PKHD1L1: variants seen among roughly 807,000 people sequenced by gnomAD.
PKHD1L1 encodes the protein fibrocystin-L.
In PKHD1L1, 434 loss-of-function variants were observed where a neutral mutation model predicts 462.9. The observed-to-expected ratio is 0.94, with a 90% CI of 0.87 to 1.02. PKHD1L1 has a LOEUF of 1.02. Ranked by LOEUF, PKHD1L1 falls within the 50% of genes least tolerant of loss-of-function variation. PKHD1L1 has a pLI of 0.00. For synonymous variants in PKHD1L1, 1,781 were observed against 1,750.0 expected (o/e 1.02, Z -0.44); for missense variants, 5,202 against 5,096.1 (o/e 1.02, Z -0.63).
chr8:109,515,266 C>T lies in PKHD1L1; in HGVS notation c.11650C>T (p.Gln3884Ter). Reference sequence around the variant, plus strand: ...TCCAAAAACTACAATATGGAATGCCCAGCAGAAACACTGTGAACTTAATAA... The same window carrying T: ...TCCAAAAACTACAATATGGAATGCCTAGCAGAAACACTGTGAACTTAATAA... ...VCPKTTIWNA[Q>*]QKHCELNNHL... The change falls in exon 72 of 78, where the codon CAG becomes TAG. Residue 3884 changes from glutamine (Q) to a stop codon, truncating the protein, a stop_gained. Coordinates refer to ENST00000378402, the MANE Select transcript of PKHD1L1 (RefSeq NM_177531.6). LOFTEE classifies it high-confidence loss of function. 1 of 1,601,872 alleles carries T rather than the reference C, an allele frequency of 6.2e-7. No homozygotes were observed. The highest frequency in any genetic ancestry group is 8.5e-7 in the Non-Finnish European group (1 of 1,172,768).
rs551015223 is a variant in PKHD1L1, at chr8:109,536,983, G to A, written c.*6893G>A. Among the ~76,000 whole-genome samples, 4 of 152,266 alleles carry A rather than the reference G, an allele frequency of 2.6e-5. No homozygotes were observed. The South Asian group carries it at 8.3e-4, about 32-fold the overall frequency. The stretch of plus-strand genomic sequence containing the variant: ...AGTTATAATTTTCCAGAATATTAAT[G>A]TTTATTATTTTGAAAGCAAGTAAAA... On this transcript the variant is annotated 3_prime_UTR_variant, in exon 78 of 78. Coordinates refer to ENST00000378402, the MANE Select transcript of PKHD1L1 (RefSeq NM_177531.6).
chr8:109,455,853 T>C (rs1816794977), intron 45 of PKHD1L1, among the ~76,000 whole-genome samples: 1 of 152,132 alleles, frequency 6.6e-6, no homozygotes, highest in Admixed American at 6.5e-5. Flanking sequence ...GCTCAATATA[T>C]ATATACTATG....
At chr8:109,434,759 G>A (rs1293020139) in intron 28 of PKHD1L1, among the ~76,000 whole-genome samples, 2 of 152,102 alleles carry the variant, frequency 1.3e-5, no homozygotes, top group Admixed American at 6.5e-5. Context: ...GTGAGCCACC[G>A]CGCCTGCCCT....
At chr8:109,462,891 G>A (rs1257548190) in intron 48 of PKHD1L1, among the ~76,000 whole-genome samples, 8 of 151,926 alleles carry the variant, frequency 5.3e-5, no homozygotes, top group East Asian at 1.9e-4. Flanking sequence ...ATACTTGCAT[G>A]GCTGACACCC....
intron 13 of PKHD1L1, among the ~76,000 whole-genome samples, chr8:109,400,859 CTT>C (rs1813237474): frequency 6.6e-6 from 1 of 152,048 alleles, no homozygotes; most frequent in Admixed American, 6.6e-5. Context: ...TTTGGGGTTA[CTT>C]TGTTAGGACA....
In PKHD1L1 at chr8:109,409,883, G is replaced by A. The variant is rs754791367; in HGVS notation, c.1990G>A (p.Glu664Lys). The change falls in exon 19 of 78, where the codon GAA becomes AAA. Residue 664 changes from glutamate to lysine, a missense_variant. Glu to Lys is a moderately conservative substitution (Grantham distance 56). Transcript: ENST00000378402. ...SEAEFQGAVE[E>K]MVSTKCPPQI... ...AATTTAGTTTCAGGGAGCAGTGGAA[G>A]AAATGGTTAGCACTAAGTGTCCACC... 15 of 1,588,550 alleles carry A rather than the reference G, an allele frequency of 9.4e-6. No homozygotes were observed. The highest frequency in any genetic ancestry group is 8.5e-7 in the Non-Finnish European group (1 of 1,170,836).
Position 109,438,444 on chromosome 8 carries a change from C to A in PKHD1L1, c.3748C>A (p.Arg1250=), listed in dbSNP as rs956106444. The A allele has an allele frequency of 6.5e-7, 1 of 1,539,536 alleles. No individual in the cohort carries two copies. The highest frequency in any genetic ancestry group is 1.4e-5 in the African/African-American group (1 of 72,702). The change falls in exon 31 of 78, where the codon CGA becomes AGA. Residue 1250 remains arginine, a synonymous_variant. Transcript: ENST00000378402. ...PIITDFSPKV[R]TILGEVNLTI... ...TATAACTGATTTTAGTCCAAAAGTA[C>A]GAACAATACTAGGTAAGAAATTCTT...
chr8:109,426,823 T>C (rs1000544321), intron 24 of PKHD1L1, among the ~76,000 whole-genome samples, 179 bp from the exon 25 acceptor site: 1 of 152,160 alleles, frequency 6.6e-6, no homozygotes, highest in South Asian at 2.1e-4. Context: ...CAGCTAATTT[T>C]TGTATTTTTA....
intron 47 of PKHD1L1, 119 bp downstream of exon 47, chr8:109,459,955 T>G: frequency 1.2e-6 from 1 of 823,442 alleles, no homozygotes; most frequent in Non-Finnish European, 1.7e-6. Flanking sequence ...TAAATATAAT[T>G]TAATGATATT....
At chr8:109,490,593 C>T (rs1818777201) in intron 60 of PKHD1L1, among the ~76,000 whole-genome samples, 1 of 151,610 alleles carries the variant, frequency 6.6e-6, no homozygotes, top group East Asian at 1.9e-4. Flanking sequence ...AACTCCTTGA[C>T]TAAAGTATTA....
chr8:109,377,159 G>A (rs1004809985), intron 2 of PKHD1L1, among the ~76,000 whole-genome samples: 5 of 152,196 alleles, frequency 3.3e-5, no homozygotes, highest in Non-Finnish European at 7.3e-5. Flanking sequence ...TATTTAAGGT[G>A]AGCACATATT....
chr8:109,518,306 A>G lies in PKHD1L1; in HGVS notation c.11829A>G (p.Gln3943=). The G allele has an allele frequency of 6.2e-7, 1 of 1,613,194 alleles. No individual in the cohort carries two copies. The highest frequency in any genetic ancestry group is 8.5e-7 in the Non-Finnish European group (1 of 1,179,344). The change falls in exon 73 of 78, where the codon CAA becomes CAG. Residue 3943 remains glutamine, a synonymous_variant. Transcript: ENST00000378402. ...HTATVIFVSF[Q]LSVATEDDFY... is the part of the protein sequence containing the mutation. ...CCACAGTGATATTTGTTTCTTTCCAATTATCTGTTGCAACAGAAGATGACT... is the reference window on the plus strand; with the variant it reads ...CCACAGTGATATTTGTTTCTTTCCAGTTATCTGTTGCAACAGAAGATGACT...
intron 60 of PKHD1L1, 94 bp from the exon 61 acceptor site, chr8:109,490,878 A>G (rs1224740463): frequency 8.8e-7 from 1 of 1,132,934 alleles, no homozygotes; most frequent in Non-Finnish European, 1.2e-6. Flanking sequence ...GATTATTGAT[A>G]AAGGTTTGTT....
chr8:109,518,169 C>G lies in PKHD1L1; in HGVS notation c.11692C>G (p.Gln3898Glu), dbSNP rs1820366929. The change falls in exon 73 of 78, where the codon CAA becomes GAA. Residue 3898 changes from glutamine (Q) to glutamate (E), a missense_variant and splice_region_variant. This residue lies in a region of PKHD1L1 where 698 missense variants were observed against 736.3 expected (regional missense o/e 0.95). Transcript: ENST00000378402. ...CELNNHLYKDQFLPNLDSTVL... is the reference protein window; with the variant it reads ...CELNNHLYKDEFLPNLDSTVL... ...GTTCTGGCTTTTTTCCTTCATAGAC[C>G]AATTCCTTCCTAACCTGGATTCCAC... The G allele has an allele frequency of 1.3e-6, 2 of 1,561,992 alleles. No individual in the cohort carries two copies. Among genetic ancestry groups the G allele is most frequent in the African/African-American group, 2.7e-5 (2 of 73,446 alleles).
At position 109,442,128 on chromosome 8, in the gene PKHD1L1, C is replaced by T; in HGVS notation, c.4326C>T (p.Val1442=). ...LRGIGYRIFS[V]SSPGSVIYDG... is the part of the protein sequence containing the mutation. ...GGATAGGATATAGGATTTTTTCTGT[C>T]TCCAGTCCTGGAAGTGTAATTTATG... Residue 1442 remains valine (V), a synonymous_variant, in exon 35 of 78, where the codon GTC becomes GTT. Coordinates refer to ENST00000378402, the MANE Select transcript of PKHD1L1 (RefSeq NM_177531.6). 6.2e-7 allele frequency: 1 copy of T among 1,613,322 alleles called. No individual in the cohort carries two copies. Among genetic ancestry groups the T allele is most frequent in the South Asian group, 1.1e-5 (1 of 91,048 alleles).
At chr8:109,433,243 C>G in intron 28 of PKHD1L1, 27 bp downstream of exon 28, 2 of 1,485,540 alleles carry the variant, frequency 1.3e-6, no homozygotes, top group Non-Finnish European at 1.9e-6. Flanking sequence ...ACTATTAAGT[C>G]TAATTGTTCT....
chr8:109,383,157 T>TTATA (rs71305942), intron 4 of PKHD1L1, among the ~76,000 whole-genome samples: 52 of 100,940 alleles, frequency 5.2e-4, no homozygotes, highest in Non-Finnish European at 8.1e-4. Flanking sequence ...TTATATATAT[T>TTATA]TATATATAAT....
intron 70 of PKHD1L1, among the ~76,000 whole-genome samples, chr8:109,509,652 A>G (rs193261350): frequency 1.2e-3 from 175 of 151,802 alleles, no homozygotes; most frequent in Non-Finnish European, 8.5e-4. Context: ...TTTTAAAAAT[A>G]TGACTTTTGT....
chr8:109,421,054 A>G (rs1317246243), intron 23 of PKHD1L1, among the ~76,000 whole-genome samples: 2 of 152,068 alleles, frequency 1.3e-5, no homozygotes, highest in African/African-American at 2.4e-5. Context: ...TATAAACACC[A>G]TTTATTTTTG....
Sources: gnomAD v4.1 joint callset for allele counts (sites outside exome capture counted in the v4.1 genomes callset) on GRCh38, gnomAD v4.1.1 for gene constraint, gnomAD v4.1.1 regional missense constraint, MANE v1.5 for transcripts, NCBI Gene and HGNC (gene_info 2026-07-23, HGNC 2026-07-21) for gene names.